Variants in NOPCHAP1 observed in about 807,000 individuals in gnomAD.
The protein encoded by NOPCHAP1 is NOP protein chaperone 1, also known as DNA damage-sensitive RNA 1.
In NOPCHAP1, 13 loss-of-function variants were observed where a neutral mutation model predicts 14.0. The observed-to-expected ratio is 0.93, with a 90% CI of 0.60 to 1.47. The LOEUF is 1.47. Ranked by LOEUF, NOPCHAP1 falls within the 40% of genes most tolerant of loss-of-function variation. The pLI is 0.00. For synonymous variants in NOPCHAP1, 78 were observed against 78.4 expected (o/e 1.00, Z 0.03); for missense variants, 230 against 226.9 (o/e 1.01, Z -0.09).
intron 3 of NOPCHAP1, among the ~76,000 whole-genome samples, chr12:104,993,141 A>G (rs982471379): frequency 4.6e-5 from 7 of 151,716 alleles, no homozygotes; most frequent in Admixed American, 1.3e-4. Context: ...ATTTTTCCAT[A>G]TTTTCACAAC....
At chr12:104,993,153 C>G (rs1472589492) in intron 3 of NOPCHAP1, among the ~76,000 whole-genome samples, 1 of 152,098 alleles carries the variant, frequency 6.6e-6, no homozygotes, top group Non-Finnish European at 1.5e-5. Flanking sequence ...TTTCACAACC[C>G]TACATTATGC....
rs1873906204 is a variant in NOPCHAP1, at chr12:105,014,470, C to T, written c.*19774C>T. On this transcript the variant is annotated 3_prime_UTR_variant, in exon 4 of 4. Transcript: ENST00000552951. ...AAAATAATCCATGTATAAGTGGACC[C>T]ACACAGTTCAAATCTGTGTTGTTCA... is the stretch of plus-strand genomic sequence containing the variant. 6.6e-6 allele frequency: 1 copy of T among 152,058 alleles called. No homozygotes were observed. The highest frequency in any genetic ancestry group is 2.4e-5 in the African/African-American group (1 of 41,404). 9.4% of individuals were successfully genotyped at this position (152,058 alleles called of 1,614,324 possible). A position where few individuals can be genotyped will look rare whatever the true frequency, so the allele number is the denominator to read the frequency against.
rs1168960799 is a variant in NOPCHAP1 at position 104,995,511 on chromosome 12, T to G, written c.*815T>G. 1.3e-5 allele frequency: 2 copies of G among 152,170 alleles called. No individual in the cohort carries two copies. Among genetic ancestry groups the G allele is most frequent in the Admixed American group, 6.5e-5 (1 of 15,282 alleles). 9.4% of individuals were successfully genotyped at this position (152,170 alleles called of 1,614,324 possible). ...TGCATGATATCCCATTAAGTGCTTT[T>G]GTTAAATGCTTTCAGAGGGTGGCTC... On this transcript the variant is annotated 3_prime_UTR_variant, in exon 4 of 4. Transcript: ENST00000552951.
rs374270384 is a variant in NOPCHAP1, at chr12:105,007,602, C to T, written c.*12906C>T. 3.3e-5 allele frequency: 5 copies of T among 152,138 alleles called. No individual in the cohort carries two copies. Among genetic ancestry groups the T allele is most frequent in the South Asian group, 2.1e-4 (1 of 4,826 alleles). The allele number at this position is 152,138 out of a possible 1,614,324, so 9.4% of individuals were successfully genotyped here. A position where few individuals can be genotyped will look rare whatever the true frequency, so the allele number is the denominator to read the frequency against. ...TACACGTTCCATGACGGTTTGCTGC[C>T]GCCATCAACTTGTCGTCTACATTAG... On this transcript the variant is annotated 3_prime_UTR_variant, in exon 4 of 4. Coordinates refer to ENST00000552951, the MANE Select transcript of NOPCHAP1 (RefSeq NM_152318.3).
chr12:105,017,097 A>G lies in NOPCHAP1; in HGVS notation c.*22401A>G, dbSNP rs934935893. 1 of 152,206 alleles carries G rather than the reference A, an allele frequency of 6.6e-6. No homozygotes were observed. Among genetic ancestry groups the G allele is most frequent in the Non-Finnish European group, 1.5e-5 (1 of 68,022 alleles). 9.4% of individuals were successfully genotyped at this position (152,206 alleles called of 1,614,324 possible). ...AAATCTCATTCTGAATAAATCTCCC[A>G]TCTGTTCCAATAACATTTTAATTGC... On this transcript the variant is annotated 3_prime_UTR_variant, in exon 4 of 4. Coordinates refer to ENST00000552951, the MANE Select transcript of NOPCHAP1 (RefSeq NM_152318.3).
chr12:104,989,026 CGAA>C (rs1255009429), intron 2 of NOPCHAP1, among the ~76,000 whole-genome samples: 3 of 147,430 alleles, frequency 2.0e-5, no homozygotes, highest in South Asian at 2.1e-4. Flanking sequence ...TTTTTTTTTA[CGAA>C]GAAGAAATTG....
At chr12:104,986,598 G>A in intron 1 of NOPCHAP1, 131 bp downstream of exon 1, 1 of 719,782 alleles carries the variant, frequency 1.4e-6, no homozygotes, top group Admixed American at 3.9e-5. Flanking sequence ...GGGGACTGCT[G>A]CGGGGCTCCG....
rs1873721290 is a variant in NOPCHAP1 at position 105,006,954 on chromosome 12, A to AT, written c.*12265dup. The AT allele has an allele frequency of 6.8e-6, 1 of 147,984 alleles. No homozygotes were observed. Among genetic ancestry groups the AT allele is most frequent in the South Asian group, 2.1e-4 (1 of 4,730 alleles). The allele number at this position is 147,984 out of a possible 1,614,324, so 9.2% of individuals were successfully genotyped here. A position where few individuals can be genotyped will look rare whatever the true frequency, so the allele number is the denominator to read the frequency against. On this transcript the variant is annotated 3_prime_UTR_variant, in exon 4 of 4. Transcript: ENST00000552951. ...GAGAAGATATCCTTTCTTCTCCATG[A>AT]TTTTTTTATTGGCACCTGGGAACTT...
chr12:104,989,389 T>C (rs192363187), intron 2 of NOPCHAP1, among the ~76,000 whole-genome samples: 48 of 152,364 alleles, frequency 3.2e-4, no homozygotes, highest in African/African-American at 1.1e-3. Context: ...TTAATGGATT[T>C]AGAATTCTAG....
rs920509447 is a variant in NOPCHAP1, at chr12:104,994,591, C to T, written c.453C>T (p.Ser151=). ...CAGAATCAGAAGACGAAGATGACAG[C>T]ATCCCATCTGAAGTCACCATAGATA... is the stretch of plus-strand genomic sequence containing the variant. ...NSSESEDEDD[S]IPSEVTIDNI... is the part of the protein sequence containing the mutation. Residue 151 remains serine (S), a synonymous_variant, in exon 4 of 4, where the codon AGC becomes AGT. Coordinates refer to ENST00000552951, the MANE Select transcript of NOPCHAP1 (RefSeq NM_152318.3). The T allele has an allele frequency of 6.2e-7, 1 of 1,613,130 alleles. No individual in the cohort carries two copies. The highest frequency in any genetic ancestry group is 8.5e-7 in the Non-Finnish European group (1 of 1,179,396).
At chr12:104,988,328 C>T in intron 2 of NOPCHAP1, 75 bp downstream of exon 2, 1 of 1,188,974 alleles carries the variant, frequency 8.4e-7, no homozygotes, top group Non-Finnish European at 1.2e-6. Flanking sequence ...CGGTCTCTGC[C>T]TTCATTGTCA....
chr12:105,015,318 A>G lies in NOPCHAP1; in HGVS notation c.*20622A>G, dbSNP rs12319334. On this transcript the variant is annotated 3_prime_UTR_variant, in exon 4 of 4. Coordinates refer to ENST00000552951, the MANE Select transcript of NOPCHAP1 (RefSeq NM_152318.3). ...GTTGCATTTGTCTGTTTCACTACTTAGCATAGTGTGTGGTGCACAGTAGGC... is the reference window on the plus strand; with the variant it reads ...GTTGCATTTGTCTGTTTCACTACTTGGCATAGTGTGTGGTGCACAGTAGGC... The G allele has an allele frequency of 6.6e-6, 1 of 152,252 alleles. No homozygotes were observed. The highest frequency in any genetic ancestry group is 6.5e-5 in the Admixed American group (1 of 15,286). The allele number at this position is 152,252 out of a possible 1,614,324, so 9.4% of individuals were successfully genotyped here.
rs1249618345 is a variant in NOPCHAP1, at chr12:105,005,432, A to G, written c.*10736A>G. 6.6e-6 allele frequency: 1 copy of G among 152,216 alleles called. No homozygotes were observed. The highest frequency in any genetic ancestry group is 1.5e-5 in the Non-Finnish European group (1 of 68,044). The allele number at this position is 152,216 out of a possible 1,614,324, so 9.4% of individuals were successfully genotyped here. On this transcript the variant is annotated 3_prime_UTR_variant, in exon 4 of 4. Coordinates refer to ENST00000552951, the MANE Select transcript of NOPCHAP1 (RefSeq NM_152318.3). The stretch of plus-strand genomic sequence containing the variant: ...GTAGTGGTCTGCAGCCAGTCTGATT[A>G]GTTGCTGGGTGACCAATCAGAGGCT...
chr12:105,017,521 A>T lies in NOPCHAP1; in HGVS notation c.*22825A>T, dbSNP rs962579976. On this transcript the variant is annotated 3_prime_UTR_variant, in exon 4 of 4. Transcript: ENST00000552951. ...CTCAAAAAAAAAAAAAAAAAAAAAA[A>T]TGTAAGAAAAGAGGTTGAGTCTTAT... The T allele has an allele frequency of 2.7e-5, 4 of 147,398 alleles. No individual in the cohort carries two copies. The highest frequency in any genetic ancestry group is 7.1e-3 in the Middle Eastern group (2 of 282). The allele number at this position is 147,398 out of a possible 1,614,324, so 9.1% of individuals were successfully genotyped here.
chr12:104,986,549 G>A, intron 1 of NOPCHAP1, 82 bp downstream of exon 1: 1 of 1,197,816 alleles, frequency 8.3e-7, no homozygotes, highest in Non-Finnish European at 1.1e-6. Context: ...GCCGGCCGGT[G>A]GCTCCCTGCC....
intron 2 of NOPCHAP1, among the ~76,000 whole-genome samples, chr12:104,989,837 C>G (rs1463396057): frequency 2.0e-5 from 3 of 152,106 alleles, no homozygotes; most frequent in Non-Finnish European, 4.4e-5. Flanking sequence ...TAGCTTCTAT[C>G]GCTGATTTCG....
In NOPCHAP1 at chr12:104,987,217, A is replaced by G. The variant is rs139289275; in HGVS notation, c.115+750A>G. On this transcript the variant is annotated intron_variant, in intron 1 of 3. Coordinates refer to ENST00000552951, the MANE Select transcript of NOPCHAP1 (RefSeq NM_152318.3). Reference sequence around the variant, plus strand: ...TTCCGAAGGAAGTATAATAATGATAACCAAAGCTTATGTAGTCCTTACTAT... The same window carrying G: ...TTCCGAAGGAAGTATAATAATGATAGCCAAAGCTTATGTAGTCCTTACTAT... Among the ~76,000 whole-genome samples the G allele has an allele frequency of 6.8e-3, 1,031 of 152,300 alleles. 6 individuals carry two copies. Among genetic ancestry groups the G allele is most frequent in the South Asian group, 0.017 (80 of 4,818 alleles).
intron 3 of NOPCHAP1, 125 bp downstream of exon 3, chr12:104,991,973 T>C (rs540699576): frequency 1.8e-6 from 2 of 1,134,232 alleles, no homozygotes; most frequent in East Asian, 5.2e-5. Flanking sequence ...TCCAATGTTG[T>C]ATAGGTACAT....
chr12:105,010,876 T>C lies in NOPCHAP1; in HGVS notation c.*16180T>C, dbSNP rs562377402. On this transcript the variant is annotated 3_prime_UTR_variant, in exon 4 of 4. Transcript: ENST00000552951. ...TGATTTCCGTTCTTTTGCATTTAGC[T>C]GAGGAGTGTTTTACTTCAATTATGT... 1 of 152,192 alleles carries C rather than the reference T, an allele frequency of 6.6e-6. No individual in the cohort carries two copies. Among genetic ancestry groups the C allele is most frequent in the Non-Finnish European group, 1.5e-5 (1 of 68,024 alleles). The allele number at this position is 152,192 out of a possible 1,614,324, so 9.4% of individuals were successfully genotyped here. A position where few individuals can be genotyped will look rare whatever the true frequency, so the allele number is the denominator to read the frequency against.
Sources: allele counts gnomAD v4.1 joint callset (sites outside exome capture counted in the v4.1 genomes callset), GRCh38; gene constraint gnomAD v4.1.1; transcripts MANE v1.5; gene names NCBI Gene and HGNC (gene_info 2026-07-23, HGNC 2026-07-21).